CDYL: variants seen among roughly 807,000 people sequenced by gnomAD.
CDYL encodes chromodomain Y like.
Under a neutral mutation model 47.3 loss-of-function variants are expected in CDYL, and 8 were observed. The ratio of observed to expected loss-of-function variants is 0.17; its 90% CI spans 0.10 to 0.31. The LOEUF (loss-of-function observed/expected upper bound fraction) is 0.31, where lower values mean the gene tolerates loss of function less well. Ranked by LOEUF, CDYL falls within the 10% of genes least tolerant of loss-of-function variation. CDYL has a pLI of 1.00. For synonymous variants in CDYL, 266 were observed against 265.0 expected (o/e 1.00, Z -0.04); for missense variants, 471 against 701.4 (o/e 0.67, Z 3.71).
chr6:4,919,318 GAAGT>G lies in CDYL; in HGVS notation c.692-16193_692-16190del, dbSNP rs1381819666. ...CAGTTCCAGGATATAAAAAAAAAAA[GAAGT>G]AAGAGTTTGTGAAGGTATTGTCTCT... On this transcript the variant is annotated intron_variant, in intron 2 of 6. Transcript: ENST00000397588. Among the ~76,000 whole-genome samples, 10 of 151,848 alleles carry G rather than the reference GAAGT, an allele frequency of 6.6e-5. No individual in the cohort carries two copies. The East Asian group carries it at 9.7e-4, about 15-fold the overall frequency.
At chr6:4,759,830 G>A (rs150766905) in intron 3 of CDYL, among the ~76,000 whole-genome samples, 8,161 of 126,104 alleles carry the variant, frequency 0.065, 694 homozygotes, top group African/African-American at 0.2. Flanking sequence ...AGTGAGCCGA[G>A]ATCACGCCAT....
chr6:4,947,284 G>A (rs550483934), intron 5 of CDYL, among the ~76,000 whole-genome samples: 53 of 152,294 alleles, frequency 3.5e-4, no homozygotes, highest in Non-Finnish European at 6.9e-4. Flanking sequence ...GGCCATGTCC[G>A]TAGGCTCGGG....
At chr6:4,807,861 C>T (rs938760565) in intron 1 of CDYL, among the ~76,000 whole-genome samples, 1 of 152,066 alleles carries the variant, frequency 6.6e-6, no homozygotes, top group Non-Finnish European at 1.5e-5. Flanking sequence ...CTTGCCTCCA[C>T]CTCCTAAAAT....
At position 4,824,240 on chromosome 6, in the gene CDYL, T is replaced by C. The variant is rs560694616; in HGVS notation, c.24+47433T>C. On this transcript the variant is annotated intron_variant, in intron 1 of 6. Coordinates refer to ENST00000397588, the MANE Select transcript of CDYL (RefSeq NM_004824.4). ...CCTGTTTTCAGGTATTTGGTATATA[T>C]GTCTAGGAGTGGGTCCTGTGGGTTG... is the stretch of plus-strand genomic sequence containing the variant. Among the ~76,000 whole-genome samples, 26 of 152,324 alleles carry C rather than the reference T, an allele frequency of 1.7e-4. 1 individual carries two copies. Among genetic ancestry groups the C allele is most frequent in the South Asian group, 8.3e-4 (4 of 4,828 alleles).
At chr6:4,843,190 A>C (rs1309066174) in intron 1 of CDYL, among the ~76,000 whole-genome samples, 2 of 152,032 alleles carry the variant, frequency 1.3e-5, no homozygotes, top group Non-Finnish European at 2.9e-5. Flanking sequence ...ATCTGCTGTT[A>C]ATCTGTTAGG....
At chr6:4,914,956 A>G (rs1757514550) in intron 2 of CDYL, among the ~76,000 whole-genome samples, 1 of 152,206 alleles carries the variant, frequency 6.6e-6, no homozygotes, top group Non-Finnish European at 1.5e-5. Context: ...TTCTGAGCCT[A>G]GGAGGTCGGG....
rs895452370 is a variant in CDYL, at chr6:4,954,209, C to T, written c.*153C>T. 2.6e-5 allele frequency: 18 copies of T among 682,130 alleles called. No homozygotes were observed. The highest frequency in any genetic ancestry group is 2.0e-4 in the African/African-American group (11 of 55,656). The allele number at this position is 682,130 out of a possible 1,614,324, so 42.3% of individuals were successfully genotyped here. A position where few individuals can be genotyped will look rare whatever the true frequency, so the allele number is the denominator to read the frequency against. On this transcript the variant is annotated 3_prime_UTR_variant, in exon 7 of 7. Coordinates refer to ENST00000397588, the MANE Select transcript of CDYL (RefSeq NM_004824.4). ...TGGGAACATCCACGCTATTTATTAT[C>T]GAGGAGTTTTAAAGTACTGTAACTT... is the stretch of plus-strand genomic sequence containing the variant.
At chr6:4,713,907 TTAAC>T (rs1458021173) in intron 1 of CDYL, among the ~76,000 whole-genome samples, 1 of 152,180 alleles carries the variant, frequency 6.6e-6, no homozygotes, top group Non-Finnish European at 1.5e-5. Flanking sequence ...TTATTTTGGC[TTAAC>T]TAATATCTAA....
chr6:4,731,951 AT>A (rs1757613082), intron 2 of CDYL, among the ~76,000 whole-genome samples: 1 of 152,216 alleles, frequency 6.6e-6, no homozygotes, highest in Non-Finnish European at 1.5e-5. Flanking sequence ...ACATGAGGTC[AT>A]TTTATTTTAT....
intron 1 of CDYL, among the ~76,000 whole-genome samples, chr6:4,784,983 C>T (rs146734309): frequency 1.6e-3 from 240 of 152,298 alleles, no homozygotes; most frequent in African/African-American, 5.5e-3. Flanking sequence ...TGTGAGGCCC[C>T]CCCAGCCATG....
At chr6:4,892,428 CG>C in intron 2 of CDYL, 49 bp downstream of exon 2, 13 of 1,528,106 alleles carry the variant, frequency 8.5e-6, no homozygotes, top group Non-Finnish European at 1.1e-5. Context: ...CCAGAGGGCT[CG>C]GGTCCTTCTC....
chr6:4,852,392 T>C (rs1219197610), intron 1 of CDYL, among the ~76,000 whole-genome samples: 1 of 132,930 alleles, frequency 7.5e-6, no homozygotes, highest in African/African-American at 3.7e-5. Flanking sequence ...CTATCTTCCT[T>C]CCTTCCTCCT....
chr6:4,752,117 A>G (rs998466232), intron 3 of CDYL, among the ~76,000 whole-genome samples: 2 of 152,238 alleles, frequency 1.3e-5, no homozygotes, highest in Non-Finnish European at 2.9e-5. Context: ...GCACAGGGAC[A>G]GCAGGTCTTC....
chr6:4,952,860 C>T (rs916383150), intron 6 of CDYL, among the ~76,000 whole-genome samples: 7 of 152,136 alleles, frequency 4.6e-5, no homozygotes, highest in South Asian at 2.1e-4. Flanking sequence ...CTCAACCTCC[C>T]GGGTTCAAGT....
intron 1 of CDYL, among the ~76,000 whole-genome samples, chr6:4,823,948 C>G (rs568218125): frequency 1.3e-5 from 2 of 152,316 alleles, no homozygotes; most frequent in Non-Finnish European, 2.9e-5. Context: ...GTGAATTTGC[C>G]TATTCTAGAT....
chr6:4,953,788 T>G (rs1758783092), intron 6 of CDYL, 110 bp from the exon 7 acceptor site: 1 of 1,030,904 alleles, frequency 9.7e-7, no homozygotes, highest in African/African-American at 1.6e-5. Flanking sequence ...GTAACCTTTT[T>G]AACAGGTGAT....
chr6:4,816,283 A>G (rs925444314), intron 1 of CDYL, among the ~76,000 whole-genome samples: 2 of 149,092 alleles, frequency 1.3e-5, no homozygotes, highest in African/African-American at 5.0e-5. Flanking sequence ...TCTCTTGATT[A>G]TTTTTGTGTA....
chr6:4,946,662 C>T (rs1758526055), intron 5 of CDYL, among the ~76,000 whole-genome samples: 1 of 152,198 alleles, frequency 6.6e-6, no homozygotes, highest in African/African-American at 2.4e-5. Context: ...CGGGCCCTGC[C>T]TGACCTTGCG....
At chr6:4,835,402 G>T (rs1423435270) in intron 1 of CDYL, among the ~76,000 whole-genome samples, 1 of 152,166 alleles carries the variant, frequency 6.6e-6, no homozygotes, top group East Asian at 1.9e-4. Context: ...CATGAACCAC[G>T]AATGCTGCTG....
Sources: gnomAD v4.1 joint callset for allele counts (sites outside exome capture counted in the v4.1 genomes callset) on GRCh38, gnomAD v4.1.1 for gene constraint, MANE v1.5 for transcripts, NCBI Gene and HGNC (gene_info 2026-07-23, HGNC 2026-07-21) for gene names.